The following LRP5 variants were observed in gnomAD, a reference collection of about 807,000 sequenced individuals.
LRP5 encodes LDL receptor related protein 5, also known as low-density lipoprotein receptor-related protein 5.
Under a neutral mutation model 154.1 loss-of-function variants are expected in LRP5, and 62 were observed. That is an observed-to-expected ratio of 0.40 (90% CI 0.33 to 0.50). The LOEUF is 0.50. Among genes scored for constraint, LRP5 ranks in the 20% least tolerant of loss-of-function variants. LRP5 has a pLI of 0.55. For missense variants in LRP5, 1,915 were observed against 2,336.7 expected, an observed-to-expected ratio of 0.82 and a Z score of 3.72; for synonymous variants, 966 against 1,011.5, an observed-to-expected ratio of 0.96 and a Z score of 0.85.
At chr11:68,421,726 T>TGTG (rs2098665822) in intron 13 of LRP5, among the ~76,000 whole-genome samples, 5 of 109,910 alleles carry the variant, frequency 4.5e-5, no homozygotes, top group Non-Finnish European at 7.9e-5. Flanking sequence ...GTGTGTGTGG[T>TGTG]GTGTGTGTGG....
chr11:68,370,624 C>G (rs61179761), intron 5 of LRP5, among the ~76,000 whole-genome samples: 4,002 of 152,340 alleles, frequency 0.026, 192 homozygotes, highest in African/African-American at 0.092. Flanking sequence ...CAGCTCCACG[C>G]TCCCTAGAGA....
intron 10 of LRP5, 62 bp downstream of exon 10, chr11:68,410,202 C>T: frequency 7.3e-7 from 1 of 1,378,550 alleles, no homozygotes; most frequent in Non-Finnish European, 1.0e-6. Flanking sequence ...TGCGGGGGTG[C>T]CAACTGGGCA....
intron 5 of LRP5, among the ~76,000 whole-genome samples, chr11:68,381,122 C>T (rs114531243): frequency 2.0e-4 from 30 of 152,302 alleles, no homozygotes; most frequent in African/African-American, 7.2e-4. Flanking sequence ...GGGCTTAGTG[C>T]GATGGCGGCC....
rs377144001 is a variant in LRP5, at chr11:68,403,578, G to T, written c.1680G>T (p.Trp560Cys). Residue 560 changes from tryptophan to cysteine, a missense_variant, in exon 8 of 23, where the codon TGG (tryptophan) becomes TGT (cysteine). Trp to Cys is a radical substitution (Grantham distance 215). Coordinates refer to ENST00000294304, the MANE Select transcript of LRP5 (RefSeq NM_002335.4). ...CGCTGCTGGGGGACTTCATCTACTG[G>T]ACTGACTGGCAGCGCCGCAGCATCG... ...GFTLLGDFIY[W>C]TDWQRRSIER... The T allele has an allele frequency of 1.3e-5, 21 of 1,614,196 alleles. No homozygotes were observed. The highest frequency in any genetic ancestry group is 3.3e-4 in the Middle Eastern group (2 of 6,062).
rs764138752 is a variant in LRP5, at chr11:68,413,964, G to A, written c.2779G>A (p.Gly927Ser). Residue 927 changes from glycine (G) to serine (S), a missense_variant, in exon 12 of 23, where the codon GGC becomes AGC. Transcript: ENST00000294304. The surrounding 1 kb of genome is among the most constrained non-coding windows in gnomAD (Gnocchi z 5.1). ...CLAIPGGHRC[G>S]CASHYTLDPS... ...TGCCATCCCCGGCGGCCACCGCTGC[G>A]GCTGCGCCTCACACTACACCCTGGA... The A allele has an allele frequency of 2.2e-5, 36 of 1,607,382 alleles. No homozygotes were observed. Among genetic ancestry groups the A allele is most frequent in the Admixed American group, 3.3e-5 (2 of 59,992 alleles).
At chr11:68,375,234 C>G (rs559408033) in intron 5 of LRP5, among the ~76,000 whole-genome samples, 1 of 152,272 alleles carries the variant, frequency 6.6e-6, no homozygotes, top group African/African-American at 2.4e-5. Context: ...TCCCCAGTTC[C>G]GTGTGCCCTG....
In LRP5 at chr11:68,386,198, T is replaced by C; in HGVS notation, c.1016-118T>C. 7.7e-7 allele frequency: 1 copy of C among 1,296,668 alleles called. No individual in the cohort carries two copies. Among genetic ancestry groups the C allele is most frequent in the South Asian group, 1.2e-5 (1 of 82,494 alleles). The allele number at this position is 1,296,668 out of a possible 1,614,324, so 80.3% of individuals were successfully genotyped here. A position where few individuals can be genotyped will look rare whatever the true frequency, so the allele number is the denominator to read the frequency against. ...GCGTGTCACCTAACATCACCAGCCT[T>C]TGCAAGGAGAGCCCTGGGGGCCTGG... On this transcript the variant is annotated intron_variant, in intron 5 of 22. Transcript: ENST00000294304. This position sits in a 1 kb window ranked among gnomAD's most constrained non-coding sequence, Gnocchi z 7.9.
At chr11:68,384,135 C>G (rs1185018567) in intron 5 of LRP5, among the ~76,000 whole-genome samples, 1 of 152,182 alleles carries the variant, frequency 6.6e-6, no homozygotes, top group Admixed American at 6.5e-5. Context: ...GTGGAGGAAT[C>G]AGATTATGCA....
At chr11:68,329,023 C>T (rs2098601288) in intron 1 of LRP5, among the ~76,000 whole-genome samples, 2 of 152,130 alleles carry the variant, frequency 1.3e-5, no homozygotes, top group South Asian at 4.1e-4. Context: ...CATGCACACA[C>T]ACATGTGCAC....
At chr11:68,361,432 C>T (rs746120531) in intron 3 of LRP5, among the ~76,000 whole-genome samples, 21 of 151,830 alleles carry the variant, frequency 1.4e-4, no homozygotes, top group South Asian at 2.1e-4. Context: ...GTTAGGAGAT[C>T]GAGACCATCC....
At chr11:68,376,025 G>A (rs1591247773) in intron 5 of LRP5, among the ~76,000 whole-genome samples, 1 of 152,174 alleles carries the variant, frequency 6.6e-6, no homozygotes, top group South Asian at 2.1e-4. Context: ...ATTCTAATCC[G>A]TTATTTTGGC....
chr11:68,299,921 C>T, the LRP5 span, among the ~76,000 whole-genome samples: 7 of 148,646 alleles, frequency 4.7e-5, no homozygotes, highest in African/African-American at 7.3e-5. Flanking sequence ...TTTTTTGAGA[C>T]GGAGTCTTGT....
rs374073593 is a variant in LRP5, at chr11:68,365,557, C to G, written c.884-14C>G. ...CTTCTGGAACCTTCTCTCACTCTGT[C>G]CTGGTTTTCTCAGTCCACACTCGCT... On this transcript the variant is annotated splice_polypyrimidine_tract_variant and intron_variant, in intron 4 of 22. Transcript: ENST00000294304. 8.7e-5 allele frequency: 140 copies of G among 1,613,708 alleles called. No individual in the cohort carries two copies. Among genetic ancestry groups the G allele is most frequent in the Non-Finnish European group, 1.2e-4 (136 of 1,179,926 alleles).
chr11:68,436,794 T>G (rs2098675237), intron 18 of LRP5, 95 bp from the exon 19 acceptor site: 1 of 854,204 alleles, frequency 1.2e-6, no homozygotes, highest in South Asian at 1.4e-5. Flanking sequence ...ATCTGTCTGC[T>G]CTCTGTTTGG....
rs371155552 is a variant in LRP5 at position 68,411,510 on chromosome 11, C to T, written c.2393C>T (p.Thr798Met). The change falls in exon 11 of 23, where the codon ACG becomes ATG. Residue 798 changes from threonine (T) to methionine (M), a missense_variant. By Grantham distance (81) the Thr-to-Met change is moderately conservative (BLOSUM62 -1). Transcript: ENST00000294304. Reference protein sequence around the residue: ...RAFMDGTNCMTLVDKVGRAND... With the variant: ...RAFMDGTNCMMLVDKVGRAND... ...TTCATGGACGGGACCAACTGCATGACGCTGGTGGACAAGGTGGGCCGGGCC... is the reference window on the plus strand; with the variant it reads ...TTCATGGACGGGACCAACTGCATGATGCTGGTGGACAAGGTGGGCCGGGCC... The T allele has an allele frequency of 1.4e-5, 22 of 1,613,648 alleles. No homozygotes were observed. Among genetic ancestry groups the T allele is most frequent in the African/African-American group, 4.0e-5 (3 of 74,944 alleles).
intron 13 of LRP5, among the ~76,000 whole-genome samples, chr11:68,421,796 GGTGT>G (rs368616925): frequency 3.1e-4 from 34 of 109,248 alleles, no homozygotes; most frequent in East Asian, 2.3e-3. Context: ...GTGTGTGTGG[GGTGT>G]GTGTGTGTGT....
At chr11:68,396,322 C>T (rs575313764) in intron 7 of LRP5, among the ~76,000 whole-genome samples, 53 of 152,284 alleles carry the variant, frequency 3.5e-4, no homozygotes, top group African/African-American at 1.2e-3. Context: ...CAGCCCTGGA[C>T]GTGTTTTGCC....
Position 68,413,683 on chromosome 11 carries a change from A to T in LRP5, c.2504-6A>T. 1.2e-6 allele frequency: 2 copies of T among 1,613,546 alleles called. No homozygotes were observed. Among genetic ancestry groups the T allele is most frequent in the Non-Finnish European group, 8.5e-7 (1 of 1,179,928 alleles). On this transcript the variant is annotated splice_polypyrimidine_tract_variant and splice_region_variant and intron_variant, in intron 11 of 22. Coordinates refer to ENST00000294304, the MANE Select transcript of LRP5 (RefSeq NM_002335.4). The surrounding 1 kb of genome is among the most constrained non-coding windows in gnomAD (Gnocchi z 5.1). ...GCTGACACCGTGCCCGTGTGTGTTCATGCAGGTCAGGAGCGGGTCGTGATT... is the reference window on the plus strand; with the variant it reads ...GCTGACACCGTGCCCGTGTGTGTTCTTGCAGGTCAGGAGCGGGTCGTGATT...
At chr11:68,324,581 C>T (rs1372875066) in intron 1 of LRP5, among the ~76,000 whole-genome samples, 3 of 152,234 alleles carry the variant, frequency 2.0e-5, no homozygotes, top group Non-Finnish European at 2.9e-5. Context: ...ACAAGGGGTG[C>T]TTTCCATCTC....
Sources: gnomAD v4.1 joint callset for allele counts (sites outside exome capture counted in the v4.1 genomes callset) on GRCh38, gnomAD v4.1.1 for gene constraint, Gnocchi (gnomAD v3.1) non-coding constraint, MANE v1.5 for transcripts, NCBI Gene and HGNC (gene_info 2026-07-23, HGNC 2026-07-21) for gene names.